Variants in SNTG2 observed in about 807,000 individuals in gnomAD.
SNTG2 encodes the protein gamma-2-syntrophin.
A neutral mutation model predicts 70.9 loss-of-function variants in SNTG2; 74 were observed. That is an observed-to-expected ratio of 1.04 (90% CI 0.86 to 1.27). SNTG2 has a LOEUF of 1.27. Ranked by LOEUF, SNTG2 falls within the 50% of genes most tolerant of loss-of-function variation. The pLI is 0.00. For synonymous variants in SNTG2, 278 were observed against 273.8 expected (o/e 1.02, Z -0.15); for missense variants, 717 against 690.7 (o/e 1.04, Z -0.43).
chr2:1,188,612 TAGAA>T (rs1475063025), intron 8 of SNTG2, among the ~76,000 whole-genome samples: 3 of 152,082 alleles, frequency 2.0e-5, no homozygotes, highest in East Asian at 1.9e-4. Flanking sequence ...TTGTTAAACA[TAGAA>T]AGGATAATTT....
chr2:1,084,213 T>G (rs1050697465), intron 2 of SNTG2, among the ~76,000 whole-genome samples: 2 of 152,222 alleles, frequency 1.3e-5, no homozygotes, highest in African/African-American at 4.8e-5. Flanking sequence ...TTTGGTTTTC[T>G]GAGTCCTCCT....
At chr2:1,110,167 G>A (rs565981803) in intron 4 of SNTG2, among the ~76,000 whole-genome samples, 83 of 152,282 alleles carry the variant, frequency 5.5e-4, no homozygotes, top group African/African-American at 1.9e-3. Flanking sequence ...GTGGCACAGC[G>A]GCTGTGGCGG....
At chr2:979,532 G>T (rs1354651432) in intron 1 of SNTG2, among the ~76,000 whole-genome samples, 2 of 152,162 alleles carry the variant, frequency 1.3e-5, no homozygotes, top group Non-Finnish European at 2.9e-5. Flanking sequence ...GCTCCTCTCG[G>T]TGACCTGTCC....
intron 1 of SNTG2, among the ~76,000 whole-genome samples, chr2:987,469 G>A (rs1252663443): frequency 6.6e-6 from 1 of 151,950 alleles, no homozygotes; most frequent in Non-Finnish European, 1.5e-5. Flanking sequence ...TTACAGTAGG[G>A]GCAGGATTGT....
At chr2:1,019,174 A>G (rs1242768144) in intron 1 of SNTG2, among the ~76,000 whole-genome samples, 2 of 152,226 alleles carry the variant, frequency 1.3e-5, no homozygotes, top group Non-Finnish European at 2.9e-5. Context: ...TTGTGCATCA[A>G]ACAGTCCCCT....
intron 9 of SNTG2, among the ~76,000 whole-genome samples, chr2:1,230,109 G>A (rs148492179): frequency 0.011 from 1,651 of 152,358 alleles, 27 homozygotes; most frequent in African/African-American, 0.037. Context: ...CAGAGGAGGC[G>A]CCGAGAGCGA....
intron 1 of SNTG2, among the ~76,000 whole-genome samples, chr2:1,069,194 C>T (rs974422545): frequency 1.3e-5 from 2 of 152,046 alleles, no homozygotes; most frequent in African/African-American, 4.8e-5. Flanking sequence ...CACCTTAACA[C>T]GAAAATCGTG....
At chr2:1,350,865 T>C (rs1398482983) in intron 16 of SNTG2, among the ~76,000 whole-genome samples, 1 of 152,104 alleles carries the variant, frequency 6.6e-6, no homozygotes, top group Admixed American at 6.6e-5. Context: ...AATAGGGACA[T>C]GATTGACTTG....
chr2:990,808 A>T (rs543008541), intron 1 of SNTG2, among the ~76,000 whole-genome samples: 1 of 152,140 alleles, frequency 6.6e-6, no homozygotes, highest in South Asian at 2.1e-4. Flanking sequence ...TATCATTCCT[A>T]ATTCTGGAAA....
intron 1 of SNTG2, among the ~76,000 whole-genome samples, chr2:975,858 T>G (rs1660892374): frequency 2.0e-5 from 3 of 152,250 alleles, no homozygotes; most frequent in Admixed American, 2.0e-4. Context: ...AGATGTTACT[T>G]TACCAGACAG....
chr2:1,115,142 C>T (rs1317805641), intron 4 of SNTG2, among the ~76,000 whole-genome samples: 3 of 151,258 alleles, frequency 2.0e-5, no homozygotes, highest in Non-Finnish European at 4.4e-5. Flanking sequence ...CCCTTACAGT[C>T]GTTTGAGGAG....
intron 4 of SNTG2, among the ~76,000 whole-genome samples, chr2:1,124,086 T>G (rs1225867899): frequency 6.6e-6 from 1 of 151,890 alleles, no homozygotes; most frequent in African/African-American, 2.4e-5. Context: ...TTTAATAGAT[T>G]ATTGTACATT....
chr2:1,286,782 A>G (rs1374542023), intron 14 of SNTG2, among the ~76,000 whole-genome samples: 2 of 151,958 alleles, frequency 1.3e-5, no homozygotes, highest in Non-Finnish European at 2.9e-5. Flanking sequence ...CTCTGCTGTG[A>G]GCAGATTGCA....
In SNTG2 at chr2:1,237,954, C is replaced by G; in HGVS notation, c.786C>G (p.Ala262=). 6.2e-7 allele frequency: 1 copy of G among 1,609,764 alleles called. No homozygotes were observed. Among genetic ancestry groups the G allele is most frequent in the Non-Finnish European group, 8.5e-7 (1 of 1,178,378 alleles). The change falls in exon 10 of 17, where the codon GCC becomes GCG. Residue 262 remains alanine (A), a synonymous_variant. Coordinates refer to ENST00000308624, the MANE Select transcript of SNTG2 (RefSeq NM_018968.4). Reference sequence around the variant, plus strand: ...CTGGGATCCTCCGGTTTTACACAGCCCAGGATGGCACCGACTGGCTGCGGG... The same window carrying G: ...CTGGGATCCTCCGGTTTTACACAGCGCAGGATGGCACCGACTGGCTGCGGG... ...VSSGILRFYT[A]QDGTDWLRAV...
chr2:1,117,005 C>T (rs1667053531), intron 4 of SNTG2, among the ~76,000 whole-genome samples: 1 of 132,708 alleles, frequency 7.5e-6, no homozygotes, highest in African/African-American at 2.9e-5. Context: ...GTACGAGTGC[C>T]CTGGTGTGTG....
At chr2:1,117,127 A>C (rs1452854602) in intron 4 of SNTG2, among the ~76,000 whole-genome samples, 1 of 140,270 alleles carries the variant, frequency 7.1e-6, no homozygotes, top group African/African-American at 2.7e-5. Context: ...TCTTGTGTGT[A>C]GGTGCTCTGG....
chr2:1,066,933 TCTC>T (rs1663198108), intron 1 of SNTG2, among the ~76,000 whole-genome samples: 1 of 152,132 alleles, frequency 6.6e-6, no homozygotes. Flanking sequence ...AAAGCTCTCA[TCTC>T]CTCTGCAAAA....
At chr2:1,257,295 G>T (rs1030407158) in intron 12 of SNTG2, among the ~76,000 whole-genome samples, 2 of 152,158 alleles carry the variant, frequency 1.3e-5, no homozygotes, top group East Asian at 3.9e-4. Flanking sequence ...TCATGTTGGC[G>T]AAGATGATGA....
intron 8 of SNTG2, among the ~76,000 whole-genome samples, chr2:1,182,286 C>G: frequency 7.6e-6 from 1 of 131,700 alleles, no homozygotes. Context: ...AAACCTTTAC[C>G]AAAAATGAAT....
Sources: gnomAD v4.1 joint callset for allele counts (sites outside exome capture counted in the v4.1 genomes callset) on GRCh38, gnomAD v4.1.1 for gene constraint, MANE v1.5 for transcripts, NCBI Gene and HGNC (gene_info 2026-07-23, HGNC 2026-07-21) for gene names.